PHC1: variants seen among roughly 807,000 people sequenced by gnomAD.
PHC1 encodes the protein polyhomeotic homolog 1.
A neutral mutation model predicts 104.3 loss-of-function variants in PHC1; 12 were observed. The observed-to-expected ratio is 0.12, with a 90% CI of 0.07 to 0.19. The LOEUF (loss-of-function observed/expected upper bound fraction) is 0.19. Among genes scored for constraint, PHC1 ranks in the 10% least tolerant of loss-of-function variants. The pLI is 1.00. For synonymous variants in PHC1, 302 were observed against 455.8 expected (o/e 0.66, Z 4.30); for missense variants, 671 against 1,200.0 (o/e 0.56, Z 6.51).
chr12:8,921,195 A>C, intron 4 of PHC1, 130 bp downstream of exon 4: 1 of 658,388 alleles, frequency 1.5e-6, no homozygotes, highest in Non-Finnish European at 2.6e-6. Context: ...TTAAGTAGAG[A>C]ATAGTAGTAC....
intron 7 of PHC1, among the ~76,000 whole-genome samples, chr12:8,931,228 A>G (rs1479972914): frequency 1.3e-5 from 2 of 152,206 alleles, no homozygotes; most frequent in Non-Finnish European, 2.9e-5. Context: ...CATTCATCAC[A>G]TCTTACTGAA....
At chr12:8,930,273 T>G (rs1440294247) in intron 6 of PHC1, among the ~76,000 whole-genome samples, 162 bp from the exon 7 acceptor site, 1 of 152,186 alleles carries the variant, frequency 6.6e-6, no homozygotes, top group Non-Finnish European at 1.5e-5. Context: ...CCAGAGTTCC[T>G]CCTTAGGAGG....
chr12:8,925,461 G>C (rs1945489454), intron 6 of PHC1, among the ~76,000 whole-genome samples: 1 of 152,188 alleles, frequency 6.6e-6, no homozygotes, highest in South Asian at 2.1e-4. Flanking sequence ...AGTGTTCTGA[G>C]AATTTAGAAA....
rs1945306938 is a variant in PHC1 at position 8,919,789 on chromosome 12, G to A, written c.148G>A (p.Ala50Thr). The change falls in exon 3 of 15, where the codon GCT becomes ACT. Residue 50 changes from alanine (A) to threonine (T), a missense_variant. Transcript: ENST00000544916. This position sits in a 1 kb window ranked among gnomAD's most constrained non-coding sequence, Gnocchi z 4.9. The part of the protein sequence containing the change: ...LQALQRQPNA[A>T]QYFHQFMLQQ... ...AGCACTGCAGCGGCAGCCCAATGCA[G>A]CTCAGTATTTCCACCAGTTCATGCT... 1 of 1,612,756 alleles carries A rather than the reference G, an allele frequency of 6.2e-7. No homozygotes were observed. Among genetic ancestry groups the A allele is most frequent in the Non-Finnish European group, 8.5e-7 (1 of 1,179,694 alleles).
At chr12:8,923,230 A>C (rs1170431079) in intron 6 of PHC1, among the ~76,000 whole-genome samples, 1 of 152,182 alleles carries the variant, frequency 6.6e-6, no homozygotes, top group Non-Finnish European at 1.5e-5. Context: ...CTAGTTCTCA[A>C]CTTTCAGTCT....
chr12:8,918,966 A>C (rs1319445873), intron 2 of PHC1, among the ~76,000 whole-genome samples: 1 of 152,176 alleles, frequency 6.6e-6, no homozygotes. Context: ...CTGTGTATGT[A>C]GTCTGCCATT....
At chr12:8,923,848 A>G (rs1483060199) in intron 6 of PHC1, among the ~76,000 whole-genome samples, 2 of 144,996 alleles carry the variant, frequency 1.4e-5, no homozygotes, top group Non-Finnish European at 3.1e-5. Context: ...AAAAAAAAAG[A>G]AAATATTTGG....
At chr12:8,928,395 C>T (rs1945589281) in intron 6 of PHC1, among the ~76,000 whole-genome samples, 1 of 151,314 alleles carries the variant, frequency 6.6e-6, no homozygotes, top group African/African-American at 2.4e-5. Flanking sequence ...TGGATCATGA[C>T]ACTCTCTCAC....
chr12:8,936,836 A>G lies in PHC1; in HGVS notation c.2369-20A>G, dbSNP rs1945851121. On this transcript the variant is annotated intron_variant, in intron 11 of 14. Transcript: ENST00000544916. ...CAGCAGAAACCCATGGTGACTGTCC[A>G]GCAATACCTTGTTTTTTAGAGTTAG... 1 of 1,478,390 alleles carries G rather than the reference A, an allele frequency of 6.8e-7. No homozygotes were observed. Among genetic ancestry groups the G allele is most frequent in the African/African-American group, 1.4e-5 (1 of 72,532 alleles). 91.6% of individuals were successfully genotyped at this position (1,478,390 alleles called of 1,614,324 possible).
At chr12:8,931,014 T>G in intron 7 of PHC1, 87 bp downstream of exon 7, 1 of 1,388,456 alleles carries the variant, frequency 7.2e-7, no homozygotes, top group Non-Finnish European at 9.7e-7. Context: ...TTTCTTTGCC[T>G]TTTTGTTTTT....
At chr12:8,920,861 A>G (rs1438133058) in intron 3 of PHC1, 124 bp from the exon 4 acceptor site, 4 of 641,516 alleles carry the variant, frequency 6.2e-6, no homozygotes, top group Non-Finnish European at 8.1e-6. Context: ...TTTACCCTAA[A>G]GTGGAATCTC....
In PHC1 at chr12:8,930,518, A is replaced by G. The variant is rs1945651532; in HGVS notation, c.696A>G (p.Pro232=). Residue 232 remains proline (P), a synonymous_variant, in exon 7 of 15, where the codon CCA becomes CCG. Coordinates refer to ENST00000544916, the MANE Select transcript of PHC1 (RefSeq NM_004426.3). ...MQGSTQKAIP[P]GASPVSSLSQ... ...GCTCCACTCAGAAGGCCATTCCTCC[A>G]GGAGCCTCCCCTGTCTCTAGCCTCT... 1.9e-6 allele frequency: 3 copies of G among 1,556,258 alleles called. No homozygotes were observed. The highest frequency in any genetic ancestry group is 1.9e-5 in the Admixed American group (1 of 51,476).
At chr12:8,932,237 CT>C (rs1360444176) in intron 7 of PHC1, among the ~76,000 whole-genome samples, 1 of 152,162 alleles carries the variant, frequency 6.6e-6, no homozygotes, top group East Asian at 1.9e-4. Flanking sequence ...GCTAACCATT[CT>C]TCTTTGCTGA....
intron 11 of PHC1, among the ~76,000 whole-genome samples, chr12:8,935,766 T>C (rs926912268): frequency 1.3e-5 from 2 of 151,608 alleles, no homozygotes; most frequent in Non-Finnish European, 2.9e-5. Flanking sequence ...ATTATTATTA[T>C]TATTTTTTTT....
intron 6 of PHC1, among the ~76,000 whole-genome samples, chr12:8,923,498 T>G (rs539673262): frequency 4.6e-5 from 7 of 152,314 alleles, no homozygotes; most frequent in African/African-American, 1.7e-4. Flanking sequence ...CATCTCTGGC[T>G]TCCACATCTG....
chr12:8,922,587 C>T (rs185266053), intron 5 of PHC1, 46 bp from the exon 6 acceptor site: 1 of 1,512,904 alleles, frequency 6.6e-7, no homozygotes, highest in Non-Finnish European at 9.0e-7. Context: ...TCTGTCTCTT[C>T]TTTCCCTCTT....
chr12:8,929,444 C>T (rs1277197538), intron 6 of PHC1, among the ~76,000 whole-genome samples: 3 of 152,068 alleles, frequency 2.0e-5, no homozygotes, highest in East Asian at 3.8e-4. Context: ...GTAACTCTCC[C>T]CAAACATAAT....
chr12:8,936,760 C>G, intron 11 of PHC1, 96 bp from the exon 12 acceptor site: 1 of 824,006 alleles, frequency 1.2e-6, no homozygotes, highest in Non-Finnish European at 2.0e-6. Flanking sequence ...GGGGGTGAAC[C>G]CTGAGAATAA....
At chr12:8,917,172 G>A (rs1945227594) in intron 1 of PHC1, among the ~76,000 whole-genome samples, 1 of 152,240 alleles carries the variant, frequency 6.6e-6, no homozygotes, top group South Asian at 2.1e-4. Flanking sequence ...CAGCATAGGT[G>A]AAGTGCCTAG....
Sources: allele counts gnomAD v4.1 joint callset (sites outside exome capture counted in the v4.1 genomes callset), GRCh38; gene constraint gnomAD v4.1.1; non-coding constraint Gnocchi (gnomAD v3.1); transcripts MANE v1.5; gene names NCBI Gene and HGNC (gene_info 2026-07-23, HGNC 2026-07-21).